Variants in EPC2 observed in about 807,000 individuals in gnomAD.
EPC2 encodes enhancer of polycomb homolog 2.
A neutral mutation model predicts 92.1 loss-of-function variants in EPC2; 14 were observed. That is an observed-to-expected ratio of 0.15 (90% confidence interval 0.10 to 0.24). EPC2 has a LOEUF of 0.24. EPC2 is among the 10% of genes least tolerant of loss of function. The probability of loss-of-function intolerance (pLI) is 1.00; values close to 1 mark genes in which losing one functional copy is unlikely to be tolerated. For synonymous variants in EPC2, 340 were observed against 334.7 expected (o/e 1.02, Z -0.17); for missense variants, 755 against 971.5 (o/e 0.78, Z 2.96).
At position 148,786,359 on chromosome 2, in the gene EPC2, A is replaced by G. The variant is rs772769780; in HGVS notation, c.2406A>G (p.Val802=). ...LGLNGIAETT[V]AMEVT The stretch of plus-strand genomic sequence containing the variant: ...TAAATGGAATAGCAGAGACAACAGT[A>G]GCTATGGAAGTGACATAACCTAAAA... The change falls in exon 14 of 14, where the codon GTA becomes GTG. Residue 802 remains valine (V), a synonymous_variant. Coordinates refer to ENST00000258484, the MANE Select transcript of EPC2 (RefSeq NM_015630.4). 26 of 1,610,394 alleles carry G rather than the reference A, an allele frequency of 1.6e-5. No homozygotes were observed. The highest frequency in any genetic ancestry group is 1.6e-4 in the Middle Eastern group (1 of 6,078).
At chr2:148,761,707 T>A in intron 4 of EPC2, 75 bp from the exon 5 acceptor site, 1 of 1,050,570 alleles carries the variant, frequency 9.5e-7, no homozygotes, top group Non-Finnish European at 1.3e-6. Flanking sequence ...TCAGGTCTGA[T>A]AAGAGTTTAT....
At chr2:148,700,468 T>A (rs534242414) in intron 2 of EPC2, among the ~76,000 whole-genome samples, 2 of 152,020 alleles carry the variant, frequency 1.3e-5, no homozygotes, top group African/African-American at 4.8e-5. Context: ...GCACTCGTTG[T>A]TGGAAAGACT....
In EPC2 at chr2:148,735,447, A is replaced by C. The variant is rs183470555; in HGVS notation, c.314-8175A>C. On this transcript the variant is annotated intron_variant, in intron 2 of 13. Coordinates refer to ENST00000258484, the MANE Select transcript of EPC2 (RefSeq NM_015630.4). ...ATTACCTTTTCCTATCTTTGGGTCC[A>C]TTTTTCTCTGGGTCATTTTCTTACT... Among the ~76,000 whole-genome samples, 48 of 151,824 alleles carry C rather than the reference A, an allele frequency of 3.2e-4. 1 individual carries two copies. The highest frequency in any genetic ancestry group is 1.5e-4 in the Non-Finnish European group (10 of 67,812).
chr2:148,733,684 T>G (rs1180049796), intron 2 of EPC2, among the ~76,000 whole-genome samples: 1 of 151,312 alleles, frequency 6.6e-6, no homozygotes, highest in East Asian at 1.9e-4. Context: ...AGTGATGGAG[T>G]TTCACCATGT....
intron 4 of EPC2, among the ~76,000 whole-genome samples, chr2:148,759,285 G>T (rs933032604): frequency 1.3e-5 from 2 of 152,060 alleles, no homozygotes; most frequent in African/African-American, 4.8e-5. Context: ...TAGAGACAGG[G>T]TTTTACCATG....
chr2:148,743,127 CACTT>C (rs1239453838), intron 2 of EPC2, among the ~76,000 whole-genome samples: 2 of 151,980 alleles, frequency 1.3e-5, no homozygotes, highest in African/African-American at 4.8e-5. Context: ...TTGAATATGT[CACTT>C]ACTGGTGTTA....
chr2:148,724,701 A>G (rs1158513784), intron 2 of EPC2, among the ~76,000 whole-genome samples: 1 of 152,114 alleles, frequency 6.6e-6, no homozygotes, highest in South Asian at 2.1e-4. Context: ...TATTTTTTGT[A>G]TAGTAACTGA....
At chr2:148,708,214 C>G (rs956865983) in intron 2 of EPC2, among the ~76,000 whole-genome samples, 2 of 151,902 alleles carry the variant, frequency 1.3e-5, no homozygotes, top group Non-Finnish European at 2.9e-5. Flanking sequence ...TACTATAAAC[C>G]CCTCTACACA....
intron 1 of EPC2, among the ~76,000 whole-genome samples, chr2:148,658,369 G>C (rs1039775340): frequency 2.0e-5 from 3 of 151,984 alleles, no homozygotes; most frequent in African/African-American, 4.8e-5. Flanking sequence ...TGAAAAACAT[G>C]GTACAAGTAG....
chr2:148,706,659 T>A (rs1184380704), intron 2 of EPC2, among the ~76,000 whole-genome samples: 1 of 152,054 alleles, frequency 6.6e-6, no homozygotes, highest in African/African-American at 2.4e-5. Flanking sequence ...TCGGCAGAAA[T>A]CCTACAAGCC....
At chr2:148,653,987 AC>A (rs1680738609) in intron 1 of EPC2, among the ~76,000 whole-genome samples, 1 of 142,318 alleles carries the variant, frequency 7.0e-6, no homozygotes, top group Non-Finnish European at 1.5e-5. Context: ...TTGCTCTGTC[AC>A]CCAGGCTGGA....
intron 2 of EPC2, among the ~76,000 whole-genome samples, chr2:148,732,483 C>A (rs1443779070): frequency 6.6e-6 from 1 of 150,544 alleles, no homozygotes; most frequent in Admixed American, 6.7e-5. Flanking sequence ...CAGGTTCAAG[C>A]GATTCTCCTG....
intron 4 of EPC2, among the ~76,000 whole-genome samples, chr2:148,755,725 T>C (rs569282541): frequency 1.3e-5 from 2 of 152,302 alleles, no homozygotes; most frequent in East Asian, 3.9e-4. Flanking sequence ...AACAAAGAAA[T>C]TGCCTAACAA....
intron 2 of EPC2, among the ~76,000 whole-genome samples, chr2:148,724,075 T>G (rs1165614071): frequency 6.6e-6 from 1 of 152,148 alleles, no homozygotes; most frequent in East Asian, 1.9e-4. Context: ...TTTTTGACTG[T>G]AAAATGTAGG....
chr2:148,693,924 C>G (rs1000924750), intron 2 of EPC2, among the ~76,000 whole-genome samples: 1 of 152,140 alleles, frequency 6.6e-6, no homozygotes, highest in African/African-American at 2.4e-5. Context: ...TGGCACTGAC[C>G]ACCTTCAGTT....
chr2:148,686,750 T>C (rs951765999), intron 1 of EPC2, among the ~76,000 whole-genome samples: 8 of 152,204 alleles, frequency 5.3e-5, no homozygotes, highest in Non-Finnish European at 1.0e-4. Context: ...CATTGTTGGG[T>C]AGTTGTATTT....
intron 2 of EPC2, among the ~76,000 whole-genome samples, chr2:148,739,739 C>G (rs1018059143): frequency 6.6e-6 from 1 of 151,796 alleles, no homozygotes; most frequent in Non-Finnish European, 1.5e-5. Flanking sequence ...CATCTACTTT[C>G]CTTCCTACTT....
rs1683791731 is a variant in EPC2 at position 148,646,022 on chromosome 2, C to T, written c.153+852C>T. On this transcript the variant is annotated intron_variant, in intron 1 of 13. Transcript: ENST00000258484. Reference sequence around the variant, plus strand: ...CCTTTTGGGAAAATTGCTGCTTTTCCTCCGATGGGTTAAATTTTGCAGACG... The same window carrying T: ...CCTTTTGGGAAAATTGCTGCTTTTCTTCCGATGGGTTAAATTTTGCAGACG... Among the ~76,000 whole-genome samples the T allele has an allele frequency of 2.6e-5, 4 of 152,218 alleles. No individual in the cohort carries two copies. In the South Asian group the frequency reaches 8.3e-4, roughly 31 times the overall value.
At position 148,762,759 on chromosome 2, in the gene EPC2, T is replaced by G; in HGVS notation, c.905T>G (p.Leu302Arg). ...EKELYATPAT[L>R]HNGNHHKVQE... ...GAGTTATATGCCACTCCAGCAACTC[T>G]TCATAATGGAAATCATCACAAAGTT... is the stretch of plus-strand genomic sequence containing the variant. The change falls in exon 6 of 14, where the codon CTT (leucine) becomes CGT (arginine). Residue 302 changes from leucine (L) to arginine (R), a missense_variant. Physicochemically the swap from Leu to Arg is moderately radical, Grantham distance 102 (BLOSUM62 -2). Coordinates refer to ENST00000258484, the MANE Select transcript of EPC2 (RefSeq NM_015630.4). 6.2e-7 allele frequency: 1 copy of G among 1,609,918 alleles called. No individual in the cohort carries two copies. The highest frequency in any genetic ancestry group is 8.5e-7 in the Non-Finnish European group (1 of 1,178,612).
Sources: allele counts gnomAD v4.1 joint callset (sites outside exome capture counted in the v4.1 genomes callset), GRCh38; gene constraint gnomAD v4.1.1; transcripts MANE v1.5; gene names NCBI Gene and HGNC (gene_info 2026-07-23, HGNC 2026-07-21).